The following MYPOP variants were observed in gnomAD, a reference collection of about 807,000 sequenced individuals.
The protein encoded by MYPOP is Myb related transcription factor, partner of profilin, also known as myb-related transcription factor, partner of profilin.
A neutral mutation model predicts 25.7 loss-of-function variants in MYPOP; 21 were observed. That is an observed-to-expected ratio of 0.82 (90% CI 0.58 to 1.18). MYPOP has a LOEUF of 1.18. MYPOP is among the 50% of genes most tolerant of loss of function. The pLI is 0.00. For synonymous variants in MYPOP, 280 were observed against 247.9 expected (o/e 1.13, Z -1.22); for missense variants, 566 against 588.3 (o/e 0.96, Z 0.39).
At chr19:45,893,087 A>G (rs1320920674) in intron 2 of MYPOP, among the ~76,000 whole-genome samples, 1 of 151,312 alleles carries the variant, frequency 6.6e-6, no homozygotes, top group African/African-American at 2.4e-5. Flanking sequence ...CAGCCTGGTC[A>G]ACATGGTGAA....
Position 45,901,919 on chromosome 19 carries a change from G to T in MYPOP, c.-52-94C>A, listed in dbSNP as rs978074639. 3 of 602,698 alleles carry T rather than the reference G, an allele frequency of 5.0e-6. No individual in the cohort carries two copies. The highest frequency in any genetic ancestry group is 4.6e-5 in the Admixed American group (1 of 21,858). The allele number at this position is 602,698 out of a possible 1,614,324, so 37.3% of individuals were successfully genotyped here. On this transcript the variant is annotated intron_variant, in intron 1 of 2. Transcript: ENST00000322217. The surrounding 1 kb of genome is among the most constrained non-coding windows in gnomAD (Gnocchi z 5.7). ...CCGGGCCGAGAGCTCCTTAGTCCCC[G>T]GGGGCAGGAGTGGGGGCGGGGGGCG...
rs541151119 is a variant in MYPOP, at chr19:45,894,724, C to CT, written c.500-3402dup. Among the ~76,000 whole-genome samples the CT allele has an allele frequency of 3.2e-3, 392 of 120,950 alleles. 1 individual carries two copies. Among genetic ancestry groups the CT allele is most frequent in the East Asian group, 4.6e-3 (22 of 4,808 alleles). The allele number at this position is 120,950 out of a possible 152,430, so 79.3% of individuals were successfully genotyped here. A position where few individuals can be genotyped will look rare whatever the true frequency, so the allele number is the denominator to read the frequency against. ...ATATATATACATTTTTTTCTTTTTT[C>CT]TTTTTTTTTTTTGAGATGGAGTCTC... On this transcript the variant is annotated intron_variant, in intron 2 of 2. Transcript: ENST00000322217.
At chr19:45,893,944 C>T (rs1411813659) in intron 2 of MYPOP, among the ~76,000 whole-genome samples, 1 of 149,954 alleles carries the variant, frequency 6.7e-6, no homozygotes, top group African/African-American at 2.5e-5. Flanking sequence ...CGCCCGCCAC[C>T]ACGCCCGGCT....
chr19:45,900,449 A>ACAC (rs1967270797), intron 2 of MYPOP, among the ~76,000 whole-genome samples: 1 of 76,748 alleles, frequency 1.3e-5, no homozygotes, highest in Admixed American at 1.5e-4. Flanking sequence ...CTCCTGGACC[A>ACAC]CCCCCCCCCC....
In MYPOP at chr19:45,901,813, G is replaced by C; in HGVS notation, c.-40C>G. On this transcript the variant is annotated 5_prime_UTR_variant, in exon 2 of 3. Transcript: ENST00000322217. This position sits in a 1 kb window ranked among gnomAD's most constrained non-coding sequence, Gnocchi z 5.7. ...CCGCCGTCCTGCCGTCTGGCGCATG[G>C]GGGGCGCCGGCGCTGCGGGCAAAGG... The C allele has an allele frequency of 7.4e-7, 1 of 1,344,584 alleles. No homozygotes were observed. The allele number at this position is 1,344,584 out of a possible 1,614,324, so 83.3% of individuals were successfully genotyped here. A position where few individuals can be genotyped will look rare whatever the true frequency, so the allele number is the denominator to read the frequency against.
Position 45,890,785 on chromosome 19 carries a change from G to C in MYPOP, c.1038C>G (p.Asp346Glu), listed in dbSNP as rs1367174225. 1.3e-6 allele frequency: 2 copies of C among 1,506,838 alleles called. No individual in the cohort carries two copies. The highest frequency in any genetic ancestry group is 1.4e-5 in the African/African-American group (1 of 71,410). The allele number at this position is 1,506,838 out of a possible 1,614,324, so 93.3% of individuals were successfully genotyped here. A position where few individuals can be genotyped will look rare whatever the true frequency, so the allele number is the denominator to read the frequency against. ...EPVSVVAAVV[D>E]GAVVAARGVI... ...CTCCCCTGGCTGCCACCACTGCCCCGTCCACCACAGCAGCCACCACGGACA... is the reference window on the plus strand; with the variant it reads ...CTCCCCTGGCTGCCACCACTGCCCCCTCCACCACAGCAGCCACCACGGACA... Residue 346 changes from aspartate to glutamate, a missense_variant, in exon 3 of 3, where the codon GAC becomes GAG. Asp to Glu is a conservative substitution (Grantham distance 45, BLOSUM62 2). Coordinates refer to ENST00000322217, the MANE Select transcript of MYPOP (RefSeq NM_001012643.4).
intron 2 of MYPOP, among the ~76,000 whole-genome samples, chr19:45,898,201 A>T (rs1471194781): frequency 6.6e-6 from 1 of 152,170 alleles, no homozygotes; most frequent in African/African-American, 2.4e-5. Context: ...CTGGGATTAC[A>T]GGCATGAGCC....
intron 2 of MYPOP, among the ~76,000 whole-genome samples, chr19:45,895,963 G>C (rs182983057): frequency 4.0e-5 from 6 of 151,632 alleles, no homozygotes; most frequent in Non-Finnish European, 7.4e-5. Context: ...AAGAAAGAGA[G>C]AAGATAGAGA....
intron 2 of MYPOP, among the ~76,000 whole-genome samples, chr19:45,892,261 T>C (rs780049689): frequency 6.6e-6 from 1 of 152,150 alleles, no homozygotes; most frequent in Non-Finnish European, 1.5e-5. Context: ...ATATGGATAC[T>C]GCACCACACT....
At chr19:45,895,007 G>C (rs951572740) in intron 2 of MYPOP, among the ~76,000 whole-genome samples, 1 of 152,010 alleles carries the variant, frequency 6.6e-6, no homozygotes, top group Admixed American at 6.6e-5. Flanking sequence ...TAAGCACTGC[G>C]CCCGGCCTTA....
Position 45,890,721 on chromosome 19 carries a change from G to GGGGGGGGGGGGGGGGGGGGC in MYPOP, c.1101_1102insGCCCCCCCCCCCCCCCCCCC (p.Pro368AlafsTer45). ...TGCGGAGGGAGCGGGGCTGGGGGGG[G>GGGGGGGGGGGGGGGGGGGGC]CCGGGGTGCCCCCTCCTCGCTCCTT... On this transcript the variant is annotated frameshift_variant, in exon 3 of 3. Transcript: ENST00000322217. LOFTEE classifies it high-confidence loss of function. The GGGGGGGGGGGGGGGGGGGGC allele has an allele frequency of 7.0e-7, 1 of 1,418,520 alleles. No homozygotes were observed. Among genetic ancestry groups the GGGGGGGGGGGGGGGGGGGGC allele is most frequent in the Non-Finnish European group, 9.7e-7 (1 of 1,026,522 alleles). 87.9% of individuals were successfully genotyped at this position (1,418,520 alleles called of 1,614,324 possible).
Position 45,890,466 on chromosome 19 carries a change from C to T in MYPOP, c.*157G>A. 3.1e-6 allele frequency: 4 copies of T among 1,272,280 alleles called. No homozygotes were observed. The highest frequency in any genetic ancestry group is 3.1e-6 in the Non-Finnish European group (3 of 958,070). The allele number at this position is 1,272,280 out of a possible 1,614,324, so 78.8% of individuals were successfully genotyped here. A position where few individuals can be genotyped will look rare whatever the true frequency, so the allele number is the denominator to read the frequency against. On this transcript the variant is annotated 3_prime_UTR_variant, in exon 3 of 3. Coordinates refer to ENST00000322217, the MANE Select transcript of MYPOP (RefSeq NM_001012643.4). ...TTGGGGGGGCCCATTACTGAGGCCCCCCCCAGAGAATCAGGCACTAACTAG... is the reference window on the plus strand; with the variant it reads ...TTGGGGGGGCCCATTACTGAGGCCCTCCCCAGAGAATCAGGCACTAACTAG...
chr19:45,891,489 T>C (rs1296260878), intron 2 of MYPOP, among the ~76,000 whole-genome samples, 166 bp from the exon 3 acceptor site: 1 of 149,684 alleles, frequency 6.7e-6, no homozygotes, highest in East Asian at 2.0e-4. Context: ...CAGGCTGTAG[T>C]GCAGTGGTGC....
chr19:45,901,918 CG>C lies in MYPOP; in HGVS notation c.-52-94del. 3.6e-6 allele frequency: 2 copies of C among 555,296 alleles called. No individual in the cohort carries two copies. Among genetic ancestry groups the C allele is most frequent in the Admixed American group, 4.8e-5 (1 of 20,756 alleles). The allele number at this position is 555,296 out of a possible 1,614,324, so 34.4% of individuals were successfully genotyped here. ...GCCGGGCCGAGAGCTCCTTAGTCCC[CG>C]GGGGCAGGAGTGGGGGCGGGGGGCG... is the stretch of plus-strand genomic sequence containing the variant. On this transcript the variant is annotated intron_variant, in intron 1 of 2. Transcript: ENST00000322217. This position sits in a 1 kb window ranked among gnomAD's most constrained non-coding sequence, Gnocchi z 5.7.
intron 2 of MYPOP, among the ~76,000 whole-genome samples, chr19:45,891,572 G>C (rs1367321918): frequency 1.3e-5 from 2 of 151,904 alleles, no homozygotes; most frequent in Non-Finnish European, 2.9e-5. Context: ...GAGTAGCTGG[G>C]ATTTCAGGTG....
intron 2 of MYPOP, among the ~76,000 whole-genome samples, chr19:45,896,264 T>C (rs546840192): frequency 3.3e-5 from 5 of 152,114 alleles, no homozygotes; most frequent in African/African-American, 4.8e-5. Flanking sequence ...GCACTCCAGC[T>C]TGGGCGACAG....
chr19:45,890,772 C>A lies in MYPOP; in HGVS notation c.1051G>T (p.Ala351Ser), dbSNP rs1426111781. The A allele has an allele frequency of 1.1e-5, 16 of 1,521,622 alleles. No homozygotes were observed. Among genetic ancestry groups the A allele is most frequent in the Admixed American group, 2.1e-5 (1 of 48,084 alleles). 94.3% of individuals were successfully genotyped at this position (1,521,622 alleles called of 1,614,324 possible). A position where few individuals can be genotyped will look rare whatever the true frequency, so the allele number is the denominator to read the frequency against. The change falls in exon 3 of 3, where the codon GCA (alanine) becomes TCA (serine). Residue 351 changes from alanine to serine, a missense_variant. Physicochemically the swap from Ala to Ser is moderately conservative, Grantham distance 99. Coordinates refer to ENST00000322217, the MANE Select transcript of MYPOP (RefSeq NM_001012643.4). ...GGGGCAATGATCACTCCCCTGGCTG[C>A]CACCACTGCCCCGTCCACCACAGCA... ...VAAVVDGAVV[A>S]ARGVIIAPRS...
chr19:45,890,646 G>A lies in MYPOP; in HGVS notation c.1177C>T (p.Arg393Cys), dbSNP rs961861104. 6.3e-7 allele frequency: 1 copy of A among 1,587,714 alleles called. No homozygotes were observed. The highest frequency in any genetic ancestry group is 8.6e-7 in the Non-Finnish European group (1 of 1,165,862). The part of the protein sequence containing the change: ...RRKGFPTRKR[R>C]GRWKSP The stretch of plus-strand genomic sequence containing the variant: ...TTTCACGGAGATTTCCATCGGCCGC[G>A]CCTTTTCCGTGTAGGGAAACCTTTT... The change falls in exon 3 of 3, where the codon CGC becomes TGC. Residue 393 changes from arginine (R) to cysteine (C), a missense_variant. By Grantham distance (180) the Arg-to-Cys change is radical. Transcript: ENST00000322217.
intron 2 of MYPOP, among the ~76,000 whole-genome samples, chr19:45,896,117 C>G (rs965935002): frequency 3.9e-5 from 6 of 152,128 alleles, no homozygotes; most frequent in African/African-American, 1.4e-4. Flanking sequence ...ATGGTGAAAT[C>G]CTGTCTCTAC....
Sources: allele counts gnomAD v4.1 joint callset (sites outside exome capture counted in the v4.1 genomes callset), GRCh38; gene constraint gnomAD v4.1.1; non-coding constraint Gnocchi (gnomAD v3.1); transcripts MANE v1.5; gene names NCBI Gene and HGNC (gene_info 2026-07-23, HGNC 2026-07-21).